The following GPHN variants were observed in gnomAD, a reference collection of about 807,000 sequenced individuals.
GPHN encodes the protein gephyrin.
In GPHN, 17 loss-of-function variants were observed where a neutral mutation model predicts 95.5. The ratio of observed to expected loss-of-function variants is 0.18; its 90% CI spans 0.12 to 0.27. The LOEUF (loss-of-function observed/expected upper bound fraction) is 0.27, where lower values mean the gene tolerates loss of function less well. Among genes scored for constraint, GPHN ranks in the 10% least tolerant of loss-of-function variants. The pLI, the probability that GPHN is intolerant of heterozygous loss-of-function variation, is 1.00. For missense variants in GPHN, 660 were observed against 978.1 expected (o/e 0.67, Z 4.34); for synonymous variants, 320 against 322.5 (o/e 0.99, Z 0.08).
At chr14:66,828,173 CTA>C (rs942111762) in intron 4 of GPHN, among the ~76,000 whole-genome samples, 7 of 151,546 alleles carry the variant, frequency 4.6e-5, no homozygotes, top group African/African-American at 1.7e-4. Context: ...ATATGAATAT[CTA>C]TGGCAAAAGT....
At chr14:67,489,840 A>G in the GPHN span, among the ~76,000 whole-genome samples, 76 of 152,246 alleles carry the variant, frequency 5.0e-4, no homozygotes, top group African/African-American at 1.8e-3. Flanking sequence ...AGCACAAAAA[A>G]TTAGCCAGGT....
intron 10 of GPHN, 67 bp from the exon 11 acceptor site, chr14:67,058,582 T>G (rs1406401103): frequency 7.3e-7 from 1 of 1,364,390 alleles, no homozygotes; most frequent in Non-Finnish European, 1.0e-6. Flanking sequence ...TGTGATATTA[T>G]AAGTCATTGC....
At chr14:66,682,139 T>C (rs1392059982) in intron 2 of GPHN, among the ~76,000 whole-genome samples, 1 of 152,206 alleles carries the variant, frequency 6.6e-6, no homozygotes, top group Non-Finnish European at 1.5e-5. Context: ...GTATCGAATA[T>C]TGAAGTTTAT....
intron 2 of GPHN, among the ~76,000 whole-genome samples, chr14:66,691,207 A>G (rs1030078040): frequency 2.0e-5 from 3 of 151,434 alleles, no homozygotes; most frequent in South Asian, 2.1e-4. Context: ...TTATTTTTAG[A>G]TGGAGTCTCA....
At chr14:67,171,149 G>C (rs1355554021) in intron 21 of GPHN, among the ~76,000 whole-genome samples, 1 of 151,900 alleles carries the variant, frequency 6.6e-6, no homozygotes, top group Admixed American at 6.6e-5. Flanking sequence ...AAGTGTTTGA[G>C]ACCAGCCTGG....
chr14:67,558,535 G>A, the GPHN span, among the ~76,000 whole-genome samples: 1 of 152,192 alleles, frequency 6.6e-6, no homozygotes, highest in Admixed American at 6.5e-5. Context: ...GTTAGAAGTG[G>A]CAGCATCTTG....
intron 2 of GPHN, among the ~76,000 whole-genome samples, chr14:66,725,154 A>C (rs547721806): frequency 1.3e-5 from 2 of 152,180 alleles, no homozygotes; most frequent in Non-Finnish European, 2.9e-5. Context: ...TCTTTGAGCC[A>C]GGAAGAAAGC....
In GPHN at chr14:66,517,695, G is replaced by A. The variant is rs2058304328; in HGVS notation, c.64+9104G>A. On this transcript the variant is annotated intron_variant, in intron 1 of 22. Transcript: ENST00000478722. Reference sequence around the variant, plus strand: ...TCCCAGGAACATTTGCTGATGAAAGGACAGTATCTTCAAGAAATGTTTCTG... The same window carrying A: ...TCCCAGGAACATTTGCTGATGAAAGAACAGTATCTTCAAGAAATGTTTCTG... Among the ~76,000 whole-genome samples the A allele has an allele frequency of 2.0e-5, 3 of 152,256 alleles. No homozygotes were observed. The South Asian group carries it at 6.2e-4, about 32-fold the overall frequency.
Position 66,574,429 on chromosome 14 carries a change from T to C in GPHN, c.64+65838T>C, listed in dbSNP as rs2060823616. 2.0e-5 allele frequency among the ~76,000 whole-genome samples: 3 copies of C among 152,240 alleles called. No individual in the cohort carries two copies. In the South Asian group the frequency reaches 6.2e-4, roughly 31 times the overall value. ...TTTCATACTGTAGTTAAAAGTGATT[T>C]ATGTACCGCCATTATAGTATTAGAG... On this transcript the variant is annotated intron_variant, in intron 1 of 22. Coordinates refer to ENST00000478722, the MANE Select transcript of GPHN (RefSeq NM_020806.5).
chr14:67,340,428 A>G, the GPHN span: 7 of 1,611,452 alleles, frequency 4.3e-6, no homozygotes, highest in East Asian at 4.5e-5. Flanking sequence ...ATAACTGCCA[A>G]TTTCAACAAA....
the GPHN span, chr14:67,693,031 C>T: frequency 1.2e-6 from 2 of 1,613,404 alleles, no homozygotes; most frequent in Admixed American, 1.7e-5. Flanking sequence ...TTGATGTACA[C>T]ACCCCACTGG....
At chr14:67,549,472 T>C in the GPHN span, among the ~76,000 whole-genome samples, 1 of 152,132 alleles carries the variant, frequency 6.6e-6, no homozygotes, top group Non-Finnish European at 1.5e-5. Flanking sequence ...GGTTTCACCA[T>C]GTTGGCCAGG....
chr14:67,286,645 C>T, the GPHN span, among the ~76,000 whole-genome samples: 2 of 151,144 alleles, frequency 1.3e-5, no homozygotes. Flanking sequence ...CGCTTGAGCT[C>T]AGGAGTTGCA....
the GPHN span, chr14:67,646,693 C>T: frequency 6.2e-7 from 1 of 1,613,836 alleles, no homozygotes; most frequent in Admixed American, 1.7e-5. Context: ...ATCTCTTCTG[C>T]AAGTATTGTG....
intron 1 of GPHN, among the ~76,000 whole-genome samples, chr14:66,672,390 G>A (rs2066347243): frequency 6.6e-6 from 1 of 152,074 alleles, no homozygotes; most frequent in African/African-American, 2.4e-5. Flanking sequence ...TGCTTTTATT[G>A]GATGAAGTCA....
At chr14:67,603,270 A>C in the GPHN span, among the ~76,000 whole-genome samples, 1 of 152,068 alleles carries the variant, frequency 6.6e-6, no homozygotes, top group African/African-American at 2.4e-5. Context: ...GCATCTCACT[A>C]TGTTTCCCAG....
chr14:67,497,422 G>T, the GPHN span, among the ~76,000 whole-genome samples: 1 of 152,056 alleles, frequency 6.6e-6, no homozygotes, highest in African/African-American at 2.4e-5. Flanking sequence ...GTGCCGGGAT[G>T]AGGAAGAACT....
At chr14:66,875,105 A>G (rs1435949692) in intron 4 of GPHN, among the ~76,000 whole-genome samples, 2 of 152,220 alleles carry the variant, frequency 1.3e-5, no homozygotes, top group Admixed American at 1.3e-4. Context: ...CCAATATTCA[A>G]CATTCTTAAA....
At chr14:67,675,561 T>C in the GPHN span, among the ~76,000 whole-genome samples, 1 of 143,328 alleles carries the variant, frequency 7.0e-6, no homozygotes, top group Non-Finnish European at 1.6e-5. Flanking sequence ...GCCCGAGTAA[T>C]TCTCCTCGTG....
Sources: allele counts gnomAD v4.1 joint callset (sites outside exome capture counted in the v4.1 genomes callset), GRCh38; gene constraint gnomAD v4.1.1; transcripts MANE v1.5; gene names NCBI Gene and HGNC (gene_info 2026-07-23, HGNC 2026-07-21).